The following DGKD variants were observed in gnomAD, a reference collection of about 807,000 sequenced individuals.
DGKD encodes the protein DAG kinase delta.
DGKD carries 68 observed loss-of-function variants against 154.4 expected under a neutral mutation model. That is an observed-to-expected ratio of 0.44 (90% confidence interval 0.36 to 0.54). DGKD has a LOEUF of 0.54. Ranked by LOEUF, DGKD falls within the 20% of genes least tolerant of loss-of-function variation. The pLI is 0.00. For synonymous variants in DGKD, 693 were observed against 638.0 expected, an observed-to-expected ratio of 1.09 and a Z score of -1.30; for missense variants, 1,343 against 1,593.6, an observed-to-expected ratio of 0.84 and a Z score of 2.68.
chr2:233,465,533 C>T (rs189046499), intron 27 of DGKD, among the ~76,000 whole-genome samples: 3 of 152,268 alleles, frequency 2.0e-5, no homozygotes, highest in East Asian at 1.9e-4. Flanking sequence ...GGGAGGATCA[C>T]GTTAGCCGAG....
intron 1 of DGKD, among the ~76,000 whole-genome samples, chr2:233,375,443 C>A (rs1312568000): frequency 1.3e-5 from 2 of 152,068 alleles, no homozygotes; most frequent in Admixed American, 1.3e-4. Flanking sequence ...TGAGTTGGGC[C>A]ATTTAACACA....
chr2:233,360,987 T>G (rs1222881640), intron 1 of DGKD, among the ~76,000 whole-genome samples: 3 of 67,184 alleles, frequency 4.5e-5, no homozygotes, highest in Non-Finnish European at 1.2e-4. Flanking sequence ...CAGTCAAGTT[T>G]TTTTTTTTTT....
chr2:233,428,683 G>C (rs1041673216), intron 3 of DGKD, among the ~76,000 whole-genome samples: 1 of 152,194 alleles, frequency 6.6e-6, no homozygotes, highest in Non-Finnish European at 1.5e-5. Context: ...GAATGTGCCA[G>C]GCCCTGTGCA....
At chr2:233,456,556 T>G (rs2063467098) in intron 19 of DGKD, among the ~76,000 whole-genome samples, 1 of 152,166 alleles carries the variant, frequency 6.6e-6, no homozygotes, top group African/African-American at 2.4e-5. Flanking sequence ...TATTTTCCAG[T>G]TTTTCTATGG....
intron 2 of DGKD, 195 bp downstream of exon 2, chr2:233,388,562 T>A (rs1466893502): frequency 2.0e-6 from 1 of 498,310 alleles, no homozygotes; most frequent in East Asian, 3.3e-5. Flanking sequence ...AAAATTAATT[T>A]CTGTTCATTT....
chr2:233,434,701 C>A (rs999856990), intron 4 of DGKD, 68 bp from the exon 5 acceptor site: 2 of 1,573,646 alleles, frequency 1.3e-6, no homozygotes, highest in Non-Finnish European at 1.7e-6. Context: ...TTAATCTTGT[C>A]CAAGTTACTG....
chr2:233,445,612 T>G lies in DGKD; in HGVS notation c.1195-11T>G. On this transcript the variant is annotated splice_polypyrimidine_tract_variant and intron_variant, in intron 10 of 29. Coordinates refer to ENST00000264057, the MANE Select transcript of DGKD (RefSeq NM_152879.3). The surrounding 1 kb of genome is among the most constrained non-coding windows in gnomAD (Gnocchi z 5.5). ...GTGTTTGCCTGCGCATCGTCCCCCA[T>G]GTTTCCTTAGTGTCAGCTGGGAGTG... is the stretch of plus-strand genomic sequence containing the variant. 2 of 1,600,430 alleles carry G rather than the reference T, an allele frequency of 1.2e-6. No homozygotes were observed. Among genetic ancestry groups the G allele is most frequent in the Non-Finnish European group, 1.7e-6 (2 of 1,173,152 alleles).
In DGKD at chr2:233,470,876, G is replaced by C. The variant is rs2971870; in HGVS notation, c.*1416G>C. 0.2 allele frequency: 29,592 copies of C among 148,456 alleles called. 2,966 individuals carry two copies. The highest frequency in any genetic ancestry group is 0.21 in the Non-Finnish European group (13,788 of 66,340). 9.2% of individuals were successfully genotyped at this position (148,456 alleles called of 1,614,324 possible). ...CTTCTCTTTGGCTCCCAAAGAGAAG[G>C]ACAGTGTTGGGAGTATCTGCCGGCG... On this transcript the variant is annotated 3_prime_UTR_variant, in exon 30 of 30. Transcript: ENST00000264057.
Position 233,459,956 on chromosome 2 carries a change from CTGT to C in DGKD, c.2829+67_2829+69del. The C allele has an allele frequency of 6.5e-7, 1 of 1,533,670 alleles. No homozygotes were observed. Among genetic ancestry groups the C allele is most frequent in the Non-Finnish European group, 8.7e-7 (1 of 1,144,850 alleles). The stretch of plus-strand genomic sequence containing the variant: ...GCTCACCTGTGGGCTCTTGTGTGCA[CTGT>C]TAAGAGCTGGAGCTTTTTGTGTTTT... On this transcript the variant is annotated intron_variant, in intron 23 of 29. Coordinates refer to ENST00000264057, the MANE Select transcript of DGKD (RefSeq NM_152879.3). This position sits in a 1 kb window ranked among gnomAD's most constrained non-coding sequence, Gnocchi z 5.7.
chr2:233,454,873 GGT>G lies in DGKD; in HGVS notation c.2375+1_2375+2del. 2 of 1,601,956 alleles carry G rather than the reference GGT, an allele frequency of 1.2e-6. No homozygotes were observed. Among genetic ancestry groups the G allele is most frequent in the Non-Finnish European group, 1.7e-6 (2 of 1,169,026 alleles). Reference sequence around the variant, plus strand: ...CGCGATGAGCACCCAGAGAAGTGCAGGTAGGTAACAGGCTCAGGAGCACGTCT... The same window carrying G: ...CGCGATGAGCACCCAGAGAAGTGCAGAGGTAACAGGCTCAGGAGCACGTCT... On this transcript the variant is annotated splice_donor_variant, in intron 19 of 29. Coordinates refer to ENST00000264057, the MANE Select transcript of DGKD (RefSeq NM_152879.3). LOFTEE classifies it high-confidence loss of function.
chr2:233,404,065 T>A (rs561334773), intron 3 of DGKD, among the ~76,000 whole-genome samples: 1 of 151,984 alleles, frequency 6.6e-6, no homozygotes, highest in South Asian at 2.1e-4. Flanking sequence ...TTTACATGTG[T>A]TATATACATG....
intron 3 of DGKD, among the ~76,000 whole-genome samples, chr2:233,410,322 G>A (rs2061796861): frequency 6.6e-6 from 1 of 152,142 alleles, no homozygotes; most frequent in Non-Finnish European, 1.5e-5. Context: ...TCCTGTGCCC[G>A]TCATTGACCG....
At position 233,446,739 on chromosome 2, in the gene DGKD, G is replaced by A; in HGVS notation, c.1362G>A (p.Lys454=). Reference sequence around the variant, plus strand: ...GGAGCGTCATGGCATACGAGGCCAAGCTCCCCCGGCAGGCCTCCTCCTCTA... The same window carrying A: ...GGAGCGTCATGGCATACGAGGCCAAACTCCCCCGGCAGGCCTCCTCCTCTA... ...DRWSVMAYEA[K]LPRQASSSTV... Residue 454 remains lysine, a synonymous_variant, in exon 12 of 30, where the codon AAG becomes AAA. Coordinates refer to ENST00000264057, the MANE Select transcript of DGKD (RefSeq NM_152879.3). The A allele has an allele frequency of 6.2e-7, 1 of 1,614,162 alleles. No homozygotes were observed. Among genetic ancestry groups the A allele is most frequent in the Non-Finnish European group, 8.5e-7 (1 of 1,180,034 alleles).
chr2:233,384,215 T>C (rs1401266796), intron 1 of DGKD, among the ~76,000 whole-genome samples: 1 of 152,192 alleles, frequency 6.6e-6, no homozygotes, highest in Non-Finnish European at 1.5e-5. Context: ...GGTGACCCCC[T>C]GGTGGCTGCT....
intron 3 of DGKD, among the ~76,000 whole-genome samples, chr2:233,418,923 T>TC (rs1200510985): frequency 2.4e-4 from 36 of 152,216 alleles, no homozygotes; most frequent in Admixed American, 2.4e-3. Flanking sequence ...TATGGGGAAC[T>TC]CCAAGAGCTT....
chr2:233,405,112 A>G (rs1404815711), intron 3 of DGKD, among the ~76,000 whole-genome samples: 1 of 152,250 alleles, frequency 6.6e-6, no homozygotes, highest in Non-Finnish European at 1.5e-5. Context: ...TTATGAGCCA[A>G]GTGAAAATTA....
rs1280378116 is a variant in DGKD, at chr2:233,415,845, T to G, written c.349-18535T>G. On this transcript the variant is annotated intron_variant, in intron 3 of 29. Coordinates refer to ENST00000264057, the MANE Select transcript of DGKD (RefSeq NM_152879.3). ...CTCACTGTGTTGCCCAGGCTGGTCT[T>G]GAACACCTGGGCTCAAGGGATCCTC... 2.6e-5 allele frequency among the ~76,000 whole-genome samples: 4 copies of G among 152,274 alleles called. No homozygotes were observed. In the East Asian group the frequency reaches 7.7e-4, roughly 29 times the overall value.
At chr2:233,451,143 G>T in intron 17 of DGKD, 93 bp downstream of exon 17, 72 of 1,124,612 alleles carry the variant, frequency 6.4e-5, no homozygotes, top group East Asian at 2.8e-4. Context: ...CCCTCGGAGA[G>T]TTTACAGGCC....
chr2:233,354,621 TC>T lies in DGKD; in HGVS notation c.107del (p.Pro36HisfsTer25). 3 of 1,126,370 alleles carry T rather than the reference TC, an allele frequency of 2.7e-6. No individual in the cohort carries two copies. Among genetic ancestry groups the T allele is most frequent in the Admixed American group, 3.3e-5 (1 of 30,414 alleles). The allele number at this position is 1,126,370 out of a possible 1,614,324, so 69.8% of individuals were successfully genotyped here. On this transcript the variant is annotated frameshift_variant, in exon 1 of 30. Transcript: ENST00000264057. LOFTEE classifies it high-confidence loss of function. This position sits in a 1 kb window ranked among gnomAD's most constrained non-coding sequence, Gnocchi z 4.8. ...SDSEPEAEPG[S>X]PQKLIRKVST... ...CAGCGAGCCCGAGGCGGAGCCCGGC[TC>T]CCCACAGAAGCTCATCCGCAAGGTG...
Sources: gnomAD v4.1 joint callset for allele counts (sites outside exome capture counted in the v4.1 genomes callset) on GRCh38, gnomAD v4.1.1 for gene constraint, Gnocchi (gnomAD v3.1) non-coding constraint, MANE v1.5 for transcripts, NCBI Gene and HGNC (gene_info 2026-07-23, HGNC 2026-07-21) for gene names.